Variants in PIK3CG observed in about 807,000 individuals in gnomAD.
PIK3CG encodes phosphatidylinositol 4,5-bisphosphate 3-kinase catalytic subunit gamma isoform.
PIK3CG carries 55 observed loss-of-function variants against 102.3 expected under a neutral mutation model. The ratio of observed to expected loss-of-function variants is 0.54; its 90% CI spans 0.43 to 0.67. PIK3CG has a LOEUF of 0.67. Ranked by LOEUF, PIK3CG falls within the 30% of genes least tolerant of loss-of-function variation. PIK3CG has a pLI of 0.00. For missense variants in PIK3CG, 1,258 were observed against 1,391.8 expected (o/e 0.90, Z 1.53); for synonymous variants, 552 against 540.0 (o/e 1.02, Z -0.31).
At chr7:106,881,706 C>T (rs763151616) in intron 6 of PIK3CG, among the ~76,000 whole-genome samples, 23 of 152,070 alleles carry the variant, frequency 1.5e-4, no homozygotes, top group Non-Finnish European at 2.5e-4. Flanking sequence ...AAAAATTAGC[C>T]GGGCATCATG....
Position 106,867,462 on chromosome 7 carries a change from C to A in PIK3CG, c.-12-88C>A, listed in dbSNP as rs995849618. The A allele has an allele frequency of 4.9e-6, 6 of 1,229,054 alleles. No individual in the cohort carries two copies. The African/African-American group carries it at 7.6e-5, about 16-fold the overall frequency. The allele number at this position is 1,229,054 out of a possible 1,614,324, so 76.1% of individuals were successfully genotyped here. A position where few individuals can be genotyped will look rare whatever the true frequency, so the allele number is the denominator to read the frequency against. On this transcript the variant is annotated intron_variant, in intron 1 of 10. Transcript: ENST00000496166. The surrounding 1 kb of genome is among the most constrained non-coding windows in gnomAD (Gnocchi z 5.1). ...TGGGTCCCTGTGCACATGTACGCCG[C>A]CTATACCTCCTCTTCCCTCATCTCA...
At position 106,879,590 on chromosome 7, in the gene PIK3CG, A is replaced by G. The variant is rs766903888; in HGVS notation, c.2463A>G (p.Thr821=). ...TTGAGTTTAAATGTGCCGATCCTAC[A>G]GCCCTATCAAATGAAACAATTGGAA... ...LWLEFKCADP[T]ALSNETIGII... The change falls in exon 6 of 11, where the codon ACA becomes ACG. Residue 821 remains threonine (T), a synonymous_variant. Coordinates refer to ENST00000496166, the MANE Select transcript of PIK3CG (RefSeq NM_001282426.2). This position sits in a 1 kb window ranked among gnomAD's most constrained non-coding sequence, Gnocchi z 4.9. The G allele has an allele frequency of 1.5e-5, 24 of 1,612,818 alleles. No homozygotes were observed. Among genetic ancestry groups the G allele is most frequent in the South Asian group, 2.2e-5 (2 of 91,054 alleles).
Position 106,868,522 on chromosome 7 carries a change from G to A in PIK3CG, c.961G>A (p.Glu321Lys), listed in dbSNP as rs1361906308. ...PDPALDEVRK[E>K]EWPLVDDCTG... Reference sequence around the variant, plus strand: ...CCCGGCCCTAGACGAGGTGAGGAAGGAAGAGTGGCCACTGGTGGATGACTG... The same window carrying A: ...CCCGGCCCTAGACGAGGTGAGGAAGAAAGAGTGGCCACTGGTGGATGACTG... The change falls in exon 2 of 11, where the codon GAA (glutamate) becomes AAA (lysine). Residue 321 changes from glutamate (E) to lysine (K), a missense_variant. Glu to Lys is a moderately conservative substitution (Grantham distance 56, BLOSUM62 1). Transcript: ENST00000496166. The surrounding 1 kb of genome is among the most constrained non-coding windows in gnomAD (Gnocchi z 6.2). 2 of 1,614,048 alleles carry A rather than the reference G, an allele frequency of 1.2e-6. No homozygotes were observed. Among genetic ancestry groups the A allele is most frequent in the Non-Finnish European group, 1.7e-6 (2 of 1,180,044 alleles).
At position 106,899,509 on chromosome 7, in the gene PIK3CG, T is replaced by C. The variant is rs2116602177; in HGVS notation, c.3031-5600T>C. The stretch of plus-strand genomic sequence containing the variant: ...ATGTTGGCTGTGGGTTTGTCATAAA[T>C]GGCTCTCATTATTTTGAGATATGTT... On this transcript the variant is annotated intron_variant, in intron 10 of 10. Transcript: ENST00000496166. The surrounding 1 kb of genome is among the most constrained non-coding windows in gnomAD (Gnocchi z 4.6). Among the ~76,000 whole-genome samples, 1 of 152,332 alleles carries C rather than the reference T, an allele frequency of 6.6e-6. No individual in the cohort carries two copies. Among genetic ancestry groups the C allele is most frequent in the Non-Finnish European group, 1.5e-5 (1 of 68,034 alleles).
Position 106,892,678 on chromosome 7 carries a change from G to C in PIK3CG, c.3030+6386G>C, listed in dbSNP as rs1321308977. Among the ~76,000 whole-genome samples the C allele has an allele frequency of 6.6e-6, 1 of 152,206 alleles. No homozygotes were observed. The highest frequency in any genetic ancestry group is 1.5e-5 in the Non-Finnish European group (1 of 68,026). On this transcript the variant is annotated intron_variant, in intron 10 of 10. Coordinates refer to ENST00000496166, the MANE Select transcript of PIK3CG (RefSeq NM_001282426.2). The surrounding 1 kb of genome is among the most constrained non-coding windows in gnomAD (Gnocchi z 5.2). The stretch of plus-strand genomic sequence containing the variant: ...GCAAGAAAGCTACTTACACAACTTT[G>C]TGCCAAGAAATACCTTGTGCTAAGA...
rs548927061 is a variant in PIK3CG, at chr7:106,885,046, T to C, written c.2872+780T>C. ...GGAGCTCAGGCAGTAATTCAGGCAA[T>C]GGGGAGCAGCTGTAAATACAGATGA... On this transcript the variant is annotated intron_variant, in intron 9 of 10. Transcript: ENST00000496166. Among the ~76,000 whole-genome samples the C allele has an allele frequency of 9.2e-5, 14 of 152,188 alleles. No individual in the cohort carries two copies. The East Asian group carries it at 2.3e-3, about 25-fold the overall frequency.
Position 106,907,337 on chromosome 7 carries a change from A to G in PIK3CG, c.*1950A>G, listed in dbSNP as rs1791710791. 6.6e-6 allele frequency among the ~76,000 whole-genome samples: 1 copy of G among 152,142 alleles called. No homozygotes were observed. The highest frequency in any genetic ancestry group is 2.1e-4 in the South Asian group (1 of 4,826). ...GCTTTTCCCCATCTCACAGGTATCT[A>G]GAAAAAAACTCCTCTTCTTTGGCAA... On this transcript the variant is annotated 3_prime_UTR_variant, in exon 11 of 11. Coordinates refer to ENST00000496166, the MANE Select transcript of PIK3CG (RefSeq NM_001282426.2).
rs1791281348 is a variant in PIK3CG, at chr7:106,892,078, G to A, written c.3030+5786G>A. 2.0e-5 allele frequency among the ~76,000 whole-genome samples: 3 copies of A among 151,962 alleles called. No individual in the cohort carries two copies. The South Asian group carries it at 6.2e-4, about 32-fold the overall frequency. ...AGGTCTCTCTGTTTGTTACCCAGCT[G>A]CTAGAACTAGGGCCCTAATCCCTCC... On this transcript the variant is annotated intron_variant, in intron 10 of 10. Coordinates refer to ENST00000496166, the MANE Select transcript of PIK3CG (RefSeq NM_001282426.2). The surrounding 1 kb of genome is among the most constrained non-coding windows in gnomAD (Gnocchi z 5.2).
chr7:106,882,140 T>C lies in PIK3CG; in HGVS notation c.2562T>C (p.Ile854=), dbSNP rs1323194499. ...ILQILRIMES[I]WETESLDLCL... is the part of the protein sequence containing the mutation. ...AGATTCTACGAATCATGGAGTCTATTTGGGAGACTGAATCTTTGGATCTAT... is the reference window on the plus strand; with the variant it reads ...AGATTCTACGAATCATGGAGTCTATCTGGGAGACTGAATCTTTGGATCTAT... Residue 854 remains isoleucine, a synonymous_variant, in exon 7 of 11, where the codon ATT becomes ATC. Coordinates refer to ENST00000496166, the MANE Select transcript of PIK3CG (RefSeq NM_001282426.2). 9 of 1,567,830 alleles carry C rather than the reference T, an allele frequency of 5.7e-6. No individual in the cohort carries two copies. Among genetic ancestry groups the C allele is most frequent in the Non-Finnish European group, 6.9e-6 (8 of 1,155,880 alleles).
rs532590380 is a variant in PIK3CG, at chr7:106,878,483, C to G, written c.2392-1036C>G. On this transcript the variant is annotated intron_variant, in intron 5 of 10. Transcript: ENST00000496166. Reference sequence around the variant, plus strand: ...GAGACTTCAGTTACAGTAATTTAGACTGCTGGACTCTGGGCTCAGTCTGGA... The same window carrying G: ...GAGACTTCAGTTACAGTAATTTAGAGTGCTGGACTCTGGGCTCAGTCTGGA... Among the ~76,000 whole-genome samples, 14 of 152,268 alleles carry G rather than the reference C, an allele frequency of 9.2e-5. No individual in the cohort carries two copies. In the East Asian group the frequency reaches 2.1e-3, roughly 23 times the overall value.
Position 106,874,702 on chromosome 7 carries a change from A to G in PIK3CG, c.2290A>G (p.Ile764Val), listed in dbSNP as rs1183462709. Residue 764 changes from isoleucine to valine, a missense_variant and splice_region_variant, in exon 5 of 11, where the codon ATT (isoleucine) becomes GTT (valine). By Grantham distance (29) the Ile-to-Val change is conservative. Coordinates refer to ENST00000496166, the MANE Select transcript of PIK3CG (RefSeq NM_001282426.2). The surrounding 1 kb of genome is among the most constrained non-coding windows in gnomAD (Gnocchi z 4.3). ...TTGTGTACTTTTGACAATTACAGTT[A>G]TTTCACAACTTAAACAAAAGCTTGA... ...AEKYDVSSQV[I>V]SQLKQKLENL... The G allele has an allele frequency of 1.9e-6, 3 of 1,602,132 alleles. No homozygotes were observed. The highest frequency in any genetic ancestry group is 1.1e-5 in the South Asian group (1 of 90,810).
At chr7:106,876,900 CT>C (rs1790765943) in intron 5 of PIK3CG, among the ~76,000 whole-genome samples, 1 of 152,012 alleles carries the variant, frequency 6.6e-6, no homozygotes, top group Non-Finnish European at 1.5e-5. Flanking sequence ...AGTGTCTTAT[CT>C]AAGAAATCTG....
At chr7:106,866,050 A>G (rs1178679294) in intron 1 of PIK3CG, among the ~76,000 whole-genome samples, 3 of 152,196 alleles carry the variant, frequency 2.0e-5, no homozygotes, top group African/African-American at 7.2e-5. Flanking sequence ...TAAGAGAGGG[A>G]ATATTGGTTT....
Position 106,866,105 on chromosome 7 carries a change from A to C in PIK3CG, c.-13+679A>C, listed in dbSNP as rs1459215994. Reference sequence around the variant, plus strand: ...TGAACATAAGTTTGGATCAAATGAAATTTGTCTTTCTTATCTTCTTATCAA... The same window carrying C: ...TGAACATAAGTTTGGATCAAATGAACTTTGTCTTTCTTATCTTCTTATCAA... On this transcript the variant is annotated intron_variant, in intron 1 of 10. Coordinates refer to ENST00000496166, the MANE Select transcript of PIK3CG (RefSeq NM_001282426.2). 2.0e-5 allele frequency among the ~76,000 whole-genome samples: 3 copies of C among 152,202 alleles called. No homozygotes were observed. The East Asian group carries it at 5.8e-4, about 29-fold the overall frequency.
In PIK3CG at chr7:106,896,981, A is replaced by G. The variant is rs187567302; in HGVS notation, c.3031-8128A>G. The stretch of plus-strand genomic sequence containing the variant: ...AAGCAAAAGAAAACTCACTATTAAT[A>G]TTTTGTCCTATAAATTTATATTCTT... On this transcript the variant is annotated intron_variant, in intron 10 of 10. Transcript: ENST00000496166. Among the ~76,000 whole-genome samples the G allele has an allele frequency of 2.5e-3, 378 of 152,194 alleles. 3 individuals are homozygous for G. Among genetic ancestry groups the G allele is most frequent in the African/African-American group, 8.4e-3 (350 of 41,518 alleles).
intron 10 of PIK3CG, among the ~76,000 whole-genome samples, chr7:106,900,188 AAT>A (rs1791507704): frequency 6.6e-6 from 1 of 151,968 alleles, no homozygotes; most frequent in Non-Finnish European, 1.5e-5. Flanking sequence ...TGGGGTCAGT[AAT>A]AACATTCCCT....
Position 106,882,146 on chromosome 7 carries a change from G to A in PIK3CG, c.2568G>A (p.Glu856=). The A allele has an allele frequency of 6.4e-7, 1 of 1,570,656 alleles. No homozygotes were observed. Among genetic ancestry groups the A allele is most frequent in the Middle Eastern group, 1.7e-4 (1 of 5,910 alleles). Residue 856 remains glutamate (E), a synonymous_variant, in exon 7 of 11, where the codon GAG becomes GAA. Coordinates refer to ENST00000496166, the MANE Select transcript of PIK3CG (RefSeq NM_001282426.2). Reference sequence around the variant, plus strand: ...TACGAATCATGGAGTCTATTTGGGAGACTGAATCTTTGGATCTATGCCTCC... The same window carrying A: ...TACGAATCATGGAGTCTATTTGGGAAACTGAATCTTTGGATCTATGCCTCC... The part of the protein sequence containing the change: ...QILRIMESIW[E]TESLDLCLLP...
In PIK3CG at chr7:106,872,120, A is replaced by G. The variant is rs957401096; in HGVS notation, c.1996-417A>G. 6.6e-6 allele frequency among the ~76,000 whole-genome samples: 1 copy of G among 152,168 alleles called. No individual in the cohort carries two copies. Among genetic ancestry groups the G allele is most frequent in the African/African-American group, 2.4e-5 (1 of 41,438 alleles). ...TTTTTCTCCTTACGTGTATTATACT[A>G]TATCTCCACTGTCCATTTTCTTTCT... On this transcript the variant is annotated intron_variant, in intron 2 of 10. Transcript: ENST00000496166. This position sits in a 1 kb window ranked among gnomAD's most constrained non-coding sequence, Gnocchi z 5.3.
At chr7:106,898,063 G>C (rs529252740) in intron 10 of PIK3CG, among the ~76,000 whole-genome samples, 20 of 152,150 alleles carry the variant, frequency 1.3e-4, no homozygotes, top group Middle Eastern at 6.8e-3. Flanking sequence ...TGACTTTTTA[G>C]TAATAGCCAT....
Sources: allele counts gnomAD v4.1 joint callset (sites outside exome capture counted in the v4.1 genomes callset), GRCh38; gene constraint gnomAD v4.1.1; non-coding constraint Gnocchi (gnomAD v3.1); transcripts MANE v1.5; gene names NCBI Gene and HGNC (gene_info 2026-07-23, HGNC 2026-07-21).